The following NDST4 variants were observed in gnomAD, a reference collection of about 807,000 sequenced individuals.
NDST4 encodes N-deacetylase and N-sulfotransferase 4.
Under a neutral mutation model 100.8 loss-of-function variants are expected in NDST4, and 63 were observed. The ratio of observed to expected loss-of-function variants is 0.62; its 90% confidence interval spans 0.51 to 0.77. The LOEUF (loss-of-function observed/expected upper bound fraction) is 0.77. Among genes scored for constraint, NDST4 ranks in the 30% least tolerant of loss-of-function variants. The pLI, the probability that NDST4 is intolerant of heterozygous loss-of-function variation, is 0.00. For synonymous variants in NDST4, 377 were observed against 361.8 expected (o/e 1.04, Z -0.48); for missense variants, 943 against 1,018.4 (o/e 0.93, Z 1.01).
intron 4 of NDST4, among the ~76,000 whole-genome samples, chr4:114,939,995 A>G (rs1725714405): frequency 6.6e-6 from 1 of 152,218 alleles, no homozygotes; most frequent in African/African-American, 2.4e-5. Context: ...TACTTCGCAG[A>G]GACTTGGCCA....
In NDST4 at chr4:115,084,074, C is replaced by T. The variant is rs2126292396; in HGVS notation, c.-246-6792G>A. 2.0e-5 allele frequency among the ~76,000 whole-genome samples: 3 copies of T among 152,236 alleles called. No individual in the cohort carries two copies. In the South Asian group the frequency reaches 6.2e-4, roughly 32 times the overall value. ...CAGGAAAGTAAGATAAAGTTTGGAA[C>T]TTCCTAGAGATTTGTCGAATAGCTT... On this transcript the variant is annotated intron_variant, in intron 1 of 13. Coordinates refer to ENST00000264363, the MANE Select transcript of NDST4 (RefSeq NM_022569.3).
intron 4 of NDST4, among the ~76,000 whole-genome samples, chr4:114,944,831 A>G (rs1275982613): frequency 6.6e-6 from 1 of 152,188 alleles, no homozygotes; most frequent in African/African-American, 2.4e-5. Flanking sequence ...ACGATAGGTG[A>G]GCACAAACAC....
intron 1 of NDST4, among the ~76,000 whole-genome samples, chr4:115,080,675 C>CAT (rs1407801884): frequency 2.7e-5 from 4 of 149,750 alleles, no homozygotes; most frequent in African/African-American, 9.9e-5. Context: ...TACATATATA[C>CAT]ATATATATAG....
chr4:114,961,798 TA>T (rs1360808954), intron 4 of NDST4, among the ~76,000 whole-genome samples: 2 of 151,832 alleles, frequency 1.3e-5, no homozygotes, highest in East Asian at 1.9e-4. Context: ...CCTTTATACA[TA>T]AAAAAAGAAG....
chr4:115,024,145 C>G (rs936714371), intron 2 of NDST4, among the ~76,000 whole-genome samples: 2 of 152,160 alleles, frequency 1.3e-5, no homozygotes, highest in African/African-American at 4.8e-5. Flanking sequence ...AGCCACTTCA[C>G]ACAGCCCCCA....
chr4:115,018,906 T>C (rs1578457785), intron 2 of NDST4, among the ~76,000 whole-genome samples: 1 of 152,086 alleles, frequency 6.6e-6, no homozygotes, highest in East Asian at 1.9e-4. Context: ...AAAGCTACAT[T>C]TATTGCAAAA....
chr4:114,966,205 T>C (rs1485908622), intron 4 of NDST4, among the ~76,000 whole-genome samples: 7 of 152,012 alleles, frequency 4.6e-5, no homozygotes, highest in Admixed American at 2.6e-4. Context: ...CACACACATG[T>C]ACACCCCCAC....
intron 4 of NDST4, among the ~76,000 whole-genome samples, chr4:114,937,896 G>C (rs1040217838): frequency 3.4e-5 from 5 of 146,136 alleles, no homozygotes; most frequent in African/African-American, 5.0e-5. Context: ...TGTGGCGGGG[G>C]GCGGGTATTG....
At position 114,870,970 on chromosome 4, in the gene NDST4, G is replaced by A; in HGVS notation, c.1537-20C>T. 6.3e-7 allele frequency: 1 copy of A among 1,582,828 alleles called. No homozygotes were observed. Among genetic ancestry groups the A allele is most frequent in the Non-Finnish European group, 8.6e-7 (1 of 1,162,918 alleles). ...GCTGATCTGAAAGATAAATAAAAATGACCACAAAAATATCATATGCTTAAG... is the reference window on the plus strand; with the variant it reads ...GCTGATCTGAAAGATAAATAAAAATAACCACAAAAATATCATATGCTTAAG... On this transcript the variant is annotated intron_variant, in intron 6 of 13. Coordinates refer to ENST00000264363, the MANE Select transcript of NDST4 (RefSeq NM_022569.3).
chr4:115,056,765 T>C (rs529613988), intron 2 of NDST4, among the ~76,000 whole-genome samples: 4 of 152,310 alleles, frequency 2.6e-5, no homozygotes, highest in African/African-American at 9.6e-5. Flanking sequence ...GTCAAGACCA[T>C]GACTCTTCAC....
chr4:114,862,261 T>C (rs193051514), intron 7 of NDST4, among the ~76,000 whole-genome samples: 1 of 152,314 alleles, frequency 6.6e-6, no homozygotes, highest in African/African-American at 2.4e-5. Context: ...ATGCTGTCTT[T>C]CATGGCAGTC....
At chr4:115,109,555 C>T (rs560084046) in intron 1 of NDST4, among the ~76,000 whole-genome samples, 1 of 152,018 alleles carries the variant, frequency 6.6e-6, no homozygotes, top group Admixed American at 6.6e-5. Context: ...CTATAATTCA[C>T]TAGAGTCATC....
intron 2 of NDST4, among the ~76,000 whole-genome samples, chr4:115,028,472 T>C (rs932949165): frequency 6.6e-6 from 1 of 151,502 alleles, no homozygotes; most frequent in Non-Finnish European, 1.5e-5. Flanking sequence ...TTCCCTAATA[T>C]GAAAATGTAG....
In NDST4 at chr4:115,041,468, A is replaced by T. The variant is rs973075881; in HGVS notation, c.978+34591T>A. ...GCAAACTCAAACAGGTTTGAAAAAAAATCTCAATATTAAATATGGATATGA... is the reference window on the plus strand; with the variant it reads ...GCAAACTCAAACAGGTTTGAAAAAATATCTCAATATTAAATATGGATATGA... On this transcript the variant is annotated intron_variant, in intron 2 of 13. Coordinates refer to ENST00000264363, the MANE Select transcript of NDST4 (RefSeq NM_022569.3). Among the ~76,000 whole-genome samples, 3 of 152,208 alleles carry T rather than the reference A, an allele frequency of 2.0e-5. No homozygotes were observed. The East Asian group carries it at 5.8e-4, about 29-fold the overall frequency.
At chr4:114,833,445 A>G (rs535562118) in intron 12 of NDST4, among the ~76,000 whole-genome samples, 161 bp downstream of exon 12, 1 of 152,226 alleles carries the variant, frequency 6.6e-6, no homozygotes, top group African/African-American at 2.4e-5. Flanking sequence ...TATTTAAAAG[A>G]GAAACACTAC....
chr4:114,990,528 T>C (rs952102960), intron 2 of NDST4, among the ~76,000 whole-genome samples: 1 of 152,114 alleles, frequency 6.6e-6, no homozygotes, highest in African/African-American at 2.4e-5. Context: ...AAATATCTCT[T>C]ATCTTGGGCC....
At chr4:115,091,679 C>T (rs557630739) in intron 1 of NDST4, among the ~76,000 whole-genome samples, 3 of 152,190 alleles carry the variant, frequency 2.0e-5, no homozygotes, top group African/African-American at 7.2e-5. Flanking sequence ...TGTGAAAATA[C>T]ATGTTCATAT....
At chr4:114,926,011 C>A (rs1224056455) in intron 6 of NDST4, among the ~76,000 whole-genome samples, 1 of 152,114 alleles carries the variant, frequency 6.6e-6, no homozygotes, top group South Asian at 2.1e-4. Flanking sequence ...AGTGTCTCAA[C>A]TTGAATGATG....
At chr4:115,058,609 T>A (rs1207696986) in intron 2 of NDST4, among the ~76,000 whole-genome samples, 1 of 152,162 alleles carries the variant, frequency 6.6e-6, no homozygotes, top group Non-Finnish European at 1.5e-5. Context: ...TTTTTCTTTT[T>A]TAAATTTTAA....
Sources: allele counts gnomAD v4.1 joint callset (sites outside exome capture counted in the v4.1 genomes callset), GRCh38; gene constraint gnomAD v4.1.1; transcripts MANE v1.5; gene names NCBI Gene and HGNC (gene_info 2026-07-23, HGNC 2026-07-21).